Variants in VPS53 observed in about 807,000 individuals in gnomAD.
VPS53 encodes VPS53 subunit of GARP complex, also known as vacuolar protein sorting-associated protein 53 homolog.
VPS53 carries 70 observed loss-of-function variants against 107.0 expected under a neutral mutation model. That is an observed-to-expected ratio of 0.65 (90% CI 0.54 to 0.80). The LOEUF (loss-of-function observed/expected upper bound fraction) is 0.80, where lower values mean the gene tolerates loss of function less well. Among genes scored for constraint, VPS53 ranks in the 30% least tolerant of loss-of-function variants. The pLI is 0.00. For missense variants in VPS53, 917 were observed against 1,049.4 expected (o/e 0.87, Z 1.74); for synonymous variants, 409 against 393.3 (o/e 1.04, Z -0.47).
intron 18 of VPS53, among the ~76,000 whole-genome samples, chr17:535,824 A>G (rs1910014379): frequency 6.6e-6 from 1 of 152,178 alleles, no homozygotes. Flanking sequence ...CTAGAAAGTA[A>G]AGCTGACACC....
At chr17:545,342 C>T (rs775485223) in intron 17 of VPS53, among the ~76,000 whole-genome samples, 9 of 152,166 alleles carry the variant, frequency 5.9e-5, no homozygotes, top group Non-Finnish European at 1.3e-4. Flanking sequence ...GGCTCGTATT[C>T]CTTCATTCCC....
At chr17:652,550 C>G (rs1468813812) in intron 7 of VPS53, among the ~76,000 whole-genome samples, 1 of 152,132 alleles carries the variant, frequency 6.6e-6, no homozygotes, top group East Asian at 1.9e-4. Flanking sequence ...TGGAAGACAA[C>G]AAAGAATCCC....
intron 12 of VPS53, among the ~76,000 whole-genome samples, chr17:598,094 G>GC (rs1968075217): frequency 6.6e-6 from 1 of 152,188 alleles, no homozygotes. Flanking sequence ...GACTCAGCCT[G>GC]CCGAGTGCCT....
In VPS53 at chr17:714,465, A is replaced by G. The variant is rs1300266766; in HGVS notation, c.87+158T>C. On this transcript the variant is annotated intron_variant, in intron 1 of 21. Transcript: ENST00000437048. ...GTTCTCTTTCCTTTCCTTCTGATTCAGAAACCGCTTCTCACCCGCACCACC... is the reference window on the plus strand; with the variant it reads ...GTTCTCTTTCCTTTCCTTCTGATTCGGAAACCGCTTCTCACCCGCACCACC... 1.8e-5 allele frequency: 12 copies of G among 649,240 alleles called. No individual in the cohort carries two copies. In the East Asian group the frequency reaches 2.9e-4, roughly 15 times the overall value. The allele number at this position is 649,240 out of a possible 1,614,324, so 40.2% of individuals were successfully genotyped here.
chr17:634,256 G>A (rs1970093119), intron 7 of VPS53, among the ~76,000 whole-genome samples: 1 of 152,148 alleles, frequency 6.6e-6, no homozygotes, highest in Non-Finnish European at 1.5e-5. Flanking sequence ...TGAGGTGGCA[G>A]AAAGGAGAAC....
intron 7 of VPS53, among the ~76,000 whole-genome samples, chr17:649,061 T>G (rs370558007): frequency 7.5e-5 from 2 of 26,612 alleles, no homozygotes; most frequent in African/African-American, 1.3e-4. Flanking sequence ...GCACTGAAGA[T>G]CTTACACTGG....
In VPS53 at chr17:519,426, T is replaced by C. The variant is rs1292351103; in HGVS notation, c.2329-128A>G. On this transcript the variant is annotated intron_variant, in intron 21 of 21. Transcript: ENST00000437048. This position sits in a 1 kb window ranked among gnomAD's most constrained non-coding sequence, Gnocchi z 5.0. ...CAGCATAGTTACTCCAGGCTGAGGA[T>C]GAACCGTTTCCTCAAGGGACTCACC... The C allele has an allele frequency of 6.0e-6, 6 of 1,000,442 alleles. No individual in the cohort carries two copies. The highest frequency in any genetic ancestry group is 2.2e-4 in the Middle Eastern group (1 of 4,448). The allele number at this position is 1,000,442 out of a possible 1,614,324, so 62.0% of individuals were successfully genotyped here.
In VPS53 at chr17:586,284, G is replaced by A. The variant is rs138244894; in HGVS notation, c.1299C>T (p.Ile433=). 7.2e-5 allele frequency: 116 copies of A among 1,613,884 alleles called. No individual in the cohort carries two copies. In the Middle Eastern group the frequency reaches 1.3e-3, roughly 18 times the overall value. Residue 433 remains isoleucine (I), a synonymous_variant, in exon 13 of 22, where the codon ATC becomes ATT. Transcript: ENST00000437048. ...TCCTCACTCACTTGTCTTGGGATTC[G>A]ATATACACGTAGAGATGAGGCTCAA... ...KCFEPHLYVY[I]ESQDKNLGEL...
intron 12 of VPS53, among the ~76,000 whole-genome samples, chr17:597,571 C>G (rs1387889429): frequency 6.6e-6 from 1 of 152,116 alleles, no homozygotes; most frequent in Non-Finnish European, 1.5e-5. Context: ...GAGATGGAGT[C>G]TCACTCTGTC....
At chr17:713,927 C>A (rs1973742674) in intron 1 of VPS53, among the ~76,000 whole-genome samples, 2 of 150,602 alleles carry the variant, frequency 1.3e-5, no homozygotes, top group Non-Finnish European at 3.0e-5. Context: ...CGCCTGTAAT[C>A]ACAGCTACTC....
At position 661,968 on chromosome 17, in the gene VPS53, T is replaced by G. The variant is rs1168199881; in HGVS notation, c.286-73A>C. ...TCCAGTCACTAACTGTAATCAATGC[T>G]AGGCACAAAAGAAATTTCCATGAAG... On this transcript the variant is annotated intron_variant, in intron 4 of 21. Coordinates refer to ENST00000437048, the MANE Select transcript of VPS53 (RefSeq NM_001128159.3). The G allele has an allele frequency of 2.3e-6, 3 of 1,294,518 alleles. No individual in the cohort carries two copies. In the African/African-American group the frequency reaches 4.5e-5, roughly 19 times the overall value. 80.2% of individuals were successfully genotyped at this position (1,294,518 alleles called of 1,614,324 possible). A position where few individuals can be genotyped will look rare whatever the true frequency, so the allele number is the denominator to read the frequency against.
At chr17:572,418 G>A (rs12944352) in intron 13 of VPS53, among the ~76,000 whole-genome samples, 3 of 149,022 alleles carry the variant, frequency 2.0e-5, no homozygotes, top group African/African-American at 5.0e-5. Flanking sequence ...AGGTGGGGGG[G>A]TCAGCCCCCC....
At chr17:545,534 C>T (rs1911113867) in intron 17 of VPS53, among the ~76,000 whole-genome samples, 1 of 152,214 alleles carries the variant, frequency 6.6e-6, no homozygotes, top group African/African-American at 2.4e-5. Flanking sequence ...CTACATCTAC[C>T]AGCTCCACCT....
At chr17:536,265 G>C (rs1910052794) in intron 18 of VPS53, among the ~76,000 whole-genome samples, 2 of 152,054 alleles carry the variant, frequency 1.3e-5, no homozygotes, top group Non-Finnish European at 2.9e-5. Context: ...GCCTTCCTCG[G>C]ACCAAGAGTG....
chr17:526,757 G>A (rs554364531), intron 19 of VPS53, among the ~76,000 whole-genome samples: 1 of 152,246 alleles, frequency 6.6e-6, no homozygotes, highest in Admixed American at 6.5e-5. Flanking sequence ...CCATGCCTGT[G>A]AAGGCTGATC....
intron 7 of VPS53, among the ~76,000 whole-genome samples, chr17:642,063 G>C (rs1233319435): frequency 6.6e-6 from 1 of 152,162 alleles, no homozygotes; most frequent in Non-Finnish European, 1.5e-5. Flanking sequence ...GATATCTGTG[G>C]ATAAAGTAGC....
At chr17:677,825 A>AG (rs767505615) in intron 4 of VPS53, among the ~76,000 whole-genome samples, 3 of 152,186 alleles carry the variant, frequency 2.0e-5, no homozygotes, top group Admixed American at 2.0e-4. Flanking sequence ...CTACTTGCCA[A>AG]GAAAAAAAAC....
Position 520,223 on chromosome 17 carries a change from A to C in VPS53, c.2224-293T>G, listed in dbSNP as rs1597238305. 6.6e-6 allele frequency among the ~76,000 whole-genome samples: 1 copy of C among 152,190 alleles called. No individual in the cohort carries two copies. Among genetic ancestry groups the C allele is most frequent in the Admixed American group, 6.5e-5 (1 of 15,270 alleles). On this transcript the variant is annotated intron_variant, in intron 20 of 21. Coordinates refer to ENST00000437048, the MANE Select transcript of VPS53 (RefSeq NM_001128159.3). The surrounding 1 kb of genome is among the most constrained non-coding windows in gnomAD (Gnocchi z 4.4). ...TAAATACACCTGCGCTGCTGTTTGAAGTATGGGTTTCCGGGGCCCTCCTCT... is the reference window on the plus strand; with the variant it reads ...TAAATACACCTGCGCTGCTGTTTGACGTATGGGTTTCCGGGGCCCTCCTCT...
intron 17 of VPS53, among the ~76,000 whole-genome samples, chr17:546,901 G>C (rs539847379): frequency 3.3e-5 from 4 of 119,594 alleles, no homozygotes; most frequent in African/African-American, 1.3e-4. Context: ...TTGAGACAGA[G>C]TCTCCCTCTG....
Sources: allele counts gnomAD v4.1 joint callset (sites outside exome capture counted in the v4.1 genomes callset), GRCh38; gene constraint gnomAD v4.1.1; non-coding constraint Gnocchi (gnomAD v3.1); transcripts MANE v1.5; gene names NCBI Gene and HGNC (gene_info 2026-07-23, HGNC 2026-07-21).